Variants in MED13L observed in about 807,000 individuals in gnomAD.
MED13L encodes mediator of RNA polymerase II transcription subunit 13-like.
MED13L carries 7 observed loss-of-function variants against 220.9 expected under a neutral mutation model. The observed-to-expected ratio is 0.03, with a 90% confidence interval of 0.02 to 0.06. The LOEUF (loss-of-function observed/expected upper bound fraction) is 0.06, where lower values mean the gene tolerates loss of function less well. Among genes scored for constraint, MED13L ranks in the 10% least tolerant of loss-of-function variants. MED13L has a pLI of 1.00. For missense variants in MED13L, 1,965 were observed against 2,760.5 expected (o/e 0.71, Z 6.46); for synonymous variants, 1,011 against 1,015.2 (o/e 1.00, Z 0.08).
intron 2 of MED13L, among the ~76,000 whole-genome samples, chr12:116,215,542 T>C (rs181367338): frequency 3.3e-5 from 5 of 152,292 alleles, no homozygotes; most frequent in African/African-American, 1.2e-4. Context: ...TACAAAAACC[T>C]AAAGTGCTGG....
At chr12:116,102,234 C>A (rs1351165222) in intron 3 of MED13L, among the ~76,000 whole-genome samples, 1 of 152,136 alleles carries the variant, frequency 6.6e-6, no homozygotes, top group Non-Finnish European at 1.5e-5. Flanking sequence ...AAAGTTGGCA[C>A]CCCAAACTCT....
At chr12:116,250,148 A>C (rs1277329578) in intron 1 of MED13L, among the ~76,000 whole-genome samples, 3 of 151,888 alleles carry the variant, frequency 2.0e-5, no homozygotes, top group Non-Finnish European at 4.4e-5. Flanking sequence ...ACATAAGAAA[A>C]AACAAAGATA....
chr12:116,050,718 C>T (rs1868423290), intron 4 of MED13L, among the ~76,000 whole-genome samples: 1 of 152,144 alleles, frequency 6.6e-6, no homozygotes, highest in Admixed American at 6.5e-5. Flanking sequence ...GGGTGGATCA[C>T]ATGAGATCAA....
chr12:116,127,392 T>C (rs1403572619), intron 2 of MED13L, among the ~76,000 whole-genome samples: 1 of 152,218 alleles, frequency 6.6e-6, no homozygotes, highest in Non-Finnish European at 1.5e-5. Flanking sequence ...ACTTTTCAGA[T>C]GTGTGCTTAA....
At position 116,029,908 on chromosome 12, in the gene MED13L, A is replaced by T. The variant is rs140503443; in HGVS notation, c.480-7307T>A. ...TTGAATACATAACAAGACACAAGAC[A>T]TCATTTCAAAGAAATGATGATATAC... On this transcript the variant is annotated intron_variant, in intron 4 of 30. Transcript: ENST00000281928. Among the ~76,000 whole-genome samples the T allele has an allele frequency of 4.1e-3, 625 of 152,284 alleles. 2 individuals are homozygous for T. The highest frequency in any genetic ancestry group is 7.7e-3 in the Non-Finnish European group (521 of 68,016).
At chr12:116,033,932 A>G (rs1881012555) in intron 4 of MED13L, among the ~76,000 whole-genome samples, 1 of 152,188 alleles carries the variant, frequency 6.6e-6, no homozygotes, top group Non-Finnish European at 1.5e-5. Context: ...CAATCACTCC[A>G]TGAGCTACTT....
At chr12:116,127,454 A>C (rs938812301) in intron 2 of MED13L, among the ~76,000 whole-genome samples, 2 of 152,182 alleles carry the variant, frequency 1.3e-5, no homozygotes, top group African/African-American at 4.8e-5. Context: ...TCTTTACCCA[A>C]ACTTTTTATA....
intron 2 of MED13L, among the ~76,000 whole-genome samples, chr12:116,214,857 A>C (rs1882904031): frequency 6.6e-6 from 1 of 152,158 alleles, no homozygotes; most frequent in Non-Finnish European, 1.5e-5. Context: ...CAAACATAAT[A>C]ATCTTTGTTG....
At chr12:116,000,770 T>C (rs1034915551) in intron 14 of MED13L, among the ~76,000 whole-genome samples, 1 of 152,216 alleles carries the variant, frequency 6.6e-6, no homozygotes, top group African/African-American at 2.4e-5. Flanking sequence ...GTAAACCTAT[T>C]TGTCACTGTT....
intron 22 of MED13L, 29 bp from the exon 23 acceptor site, chr12:115,980,967 A>G (rs769888964): frequency 2.1e-5 from 33 of 1,587,122 alleles, no homozygotes; most frequent in Middle Eastern, 2.1e-4. Context: ...AAAAAAAACA[A>G]AAACCAAAAA....
rs558272673 is a variant in MED13L, at chr12:116,082,117, A to T, written c.479+14552T>A. ...TGTATAATTAGTTACTTCCAATGACAGACTATGCCAGTAAACTAAATATAG... is the reference window on the plus strand; with the variant it reads ...TGTATAATTAGTTACTTCCAATGACTGACTATGCCAGTAAACTAAATATAG... On this transcript the variant is annotated intron_variant, in intron 4 of 30. Coordinates refer to ENST00000281928, the MANE Select transcript of MED13L (RefSeq NM_015335.5). Among the ~76,000 whole-genome samples the T allele has an allele frequency of 2.6e-5, 4 of 152,356 alleles. No homozygotes were observed. The East Asian group carries it at 7.7e-4, about 29-fold the overall frequency.
At position 116,031,704 on chromosome 12, in the gene MED13L, A is replaced by AGAAAAG. The variant is rs1555251688; in HGVS notation, c.480-9109_480-9104dup. On this transcript the variant is annotated intron_variant, in intron 4 of 30. Transcript: ENST00000281928. Reference sequence around the variant, plus strand: ...AGAAAAGAAAAGAAAAGAAAAGAAAAGAAAAGAAAAGAAAAGAAAAGAAAA... The same window carrying AGAAAAG: ...AGAAAAGAAAAGAAAAGAAAAGAAAAGAAAAGGAAAAGAAAAGAAAAGAAAAGAAAA... Among the ~76,000 whole-genome samples the AGAAAAG allele has an allele frequency of 5.4e-3, 259 of 48,360 alleles. 26 individuals carry two copies. The highest frequency in any genetic ancestry group is 0.01 in the Middle Eastern group (1 of 100). 31.7% of individuals were successfully genotyped at this position (48,360 alleles called of 152,430 possible).
intron 2 of MED13L, among the ~76,000 whole-genome samples, chr12:116,200,647 G>A (rs778600448): frequency 3.3e-5 from 5 of 152,128 alleles, no homozygotes; most frequent in Admixed American, 1.3e-4. Context: ...TAATCAAAGC[G>A]TTCTGGTGCA....
intron 2 of MED13L, among the ~76,000 whole-genome samples, chr12:116,208,886 T>C (rs913748774): frequency 1.3e-5 from 2 of 152,124 alleles, no homozygotes; most frequent in African/African-American, 2.4e-5. Flanking sequence ...TGAGGATCAC[T>C]TGAGCCCCAG....
intron 1 of MED13L, among the ~76,000 whole-genome samples, chr12:116,245,313 T>C (rs933779342): frequency 3.9e-5 from 6 of 152,148 alleles, no homozygotes; most frequent in Non-Finnish European, 8.8e-5. Context: ...GACCTCAAGA[T>C]ACTGAGATCA....
chr12:116,113,473 C>T (rs954880567), intron 2 of MED13L, among the ~76,000 whole-genome samples: 1 of 121,132 alleles, frequency 8.3e-6, no homozygotes, highest in Non-Finnish European at 1.7e-5. Flanking sequence ...CCCATCTCTA[C>T]AAAAAAAAAA....
Position 116,173,853 on chromosome 12 carries a change from C to T in MED13L, c.311-62341G>A, listed in dbSNP as rs190626862. ...TGCAAACATGTATGTTAAATCTGAG[C>T]TTTGGGAGGCCAAGGCGAGAGGACA... On this transcript the variant is annotated intron_variant, in intron 2 of 30. Transcript: ENST00000281928. Among the ~76,000 whole-genome samples, 690 of 152,210 alleles carry T rather than the reference C, an allele frequency of 4.5e-3. 3 individuals are homozygous for T. The highest frequency in any genetic ancestry group is 8.4e-3 in the Non-Finnish European group (573 of 68,008).
At chr12:116,100,598 CAAAAA>C (rs760855189) in intron 3 of MED13L, among the ~76,000 whole-genome samples, 1 of 68,000 alleles carries the variant, frequency 1.5e-5, no homozygotes, top group Non-Finnish European at 2.9e-5. Flanking sequence ...GACTCCGTCT[CAAAAA>C]AAAAAAAAAA....
At chr12:116,001,430 C>T (rs1037843216) in intron 14 of MED13L, among the ~76,000 whole-genome samples, 6 of 152,188 alleles carry the variant, frequency 3.9e-5, no homozygotes, top group African/African-American at 1.4e-4. Context: ...CTCCTGACCT[C>T]AAGTAATCTG....
Sources: gnomAD v4.1 joint callset for allele counts (sites outside exome capture counted in the v4.1 genomes callset) on GRCh38, gnomAD v4.1.1 for gene constraint, MANE v1.5 for transcripts, NCBI Gene and HGNC (gene_info 2026-07-23, HGNC 2026-07-21) for gene names.